Variants in PDE4D observed in about 807,000 individuals in gnomAD.
PDE4D encodes phosphodiesterase 4D, also known as 3',5'-cyclic-AMP phosphodiesterase 4D.
In PDE4D, 24 loss-of-function variants were observed where a neutral mutation model predicts 87.4. The observed-to-expected ratio is 0.27, with a 90% CI of 0.20 to 0.39. The LOEUF is 0.39. PDE4D is among the 10% of genes least tolerant of loss of function. The probability of loss-of-function intolerance (pLI) is 1.00; values close to 1 mark genes in which losing one functional copy is unlikely to be tolerated. For missense variants in PDE4D, 714 were observed against 1,041.0 expected (o/e 0.69, Z 4.32); for synonymous variants, 384 against 383.2 (o/e 1.00, Z -0.02).
chr5:59,409,620 CCT>C (rs1792312728), intron 1 of PDE4D, among the ~76,000 whole-genome samples: 2 of 152,164 alleles, frequency 1.3e-5, no homozygotes, highest in South Asian at 4.1e-4. Flanking sequence ...CACCTACTCC[CCT>C]TTTGTCTTCT....
At chr5:59,501,881 A>G (rs987251790) in intron 1 of PDE4D, among the ~76,000 whole-genome samples, 1 of 152,140 alleles carries the variant, frequency 6.6e-6, no homozygotes, top group Admixed American at 6.5e-5. Context: ...TCTAAATTTA[A>G]TGGGTAAATT....
At chr5:60,109,071 G>A (rs1159421087) in intron 2 of PDE4D, among the ~76,000 whole-genome samples, 1 of 150,682 alleles carries the variant, frequency 6.6e-6, no homozygotes, top group Non-Finnish European at 1.5e-5. Flanking sequence ...GAGTGAACAG[G>A]CAACCTACAA....
intron 1 of PDE4D, among the ~76,000 whole-genome samples, chr5:59,361,623 T>G (rs1352735386): frequency 2.0e-5 from 3 of 152,156 alleles, no homozygotes; most frequent in African/African-American, 7.2e-5. Context: ...CACTGCACTT[T>G]GTACTTCCTC....
At chr5:59,671,777 A>G (rs1039852250) in intron 1 of PDE4D, among the ~76,000 whole-genome samples, 2 of 151,762 alleles carry the variant, frequency 1.3e-5, no homozygotes, top group Non-Finnish European at 2.9e-5. Flanking sequence ...ACTCCACTCC[A>G]GCCTGGGTGA....
At chr5:60,435,888 T>G (rs995874097) in intron 1 of PDE4D, among the ~76,000 whole-genome samples, 3 of 152,094 alleles carry the variant, frequency 2.0e-5, no homozygotes, top group Admixed American at 6.6e-5. Flanking sequence ...TAACATTTAT[T>G]AAACAGAACA....
intron 1 of PDE4D, among the ~76,000 whole-genome samples, chr5:59,777,995 A>C (rs1279337498): frequency 6.6e-6 from 1 of 152,244 alleles, no homozygotes; most frequent in Admixed American, 6.5e-5. Flanking sequence ...AGTAATAATT[A>C]CATAATTGAA....
chr5:60,509,380 C>G (rs145066108), intron 1 of PDE4D, among the ~76,000 whole-genome samples: 11 of 152,334 alleles, frequency 7.2e-5, no homozygotes, highest in Non-Finnish European at 1.2e-4. Context: ...TTAAATTTTT[C>G]ACTGCTTCAC....
At chr5:59,890,834 T>C (rs1384294697) in intron 1 of PDE4D, among the ~76,000 whole-genome samples, 1 of 152,238 alleles carries the variant, frequency 6.6e-6, no homozygotes, top group East Asian at 1.9e-4. Flanking sequence ...AGGATTCAAA[T>C]AAGTTAATAA....
intron 1 of PDE4D, among the ~76,000 whole-genome samples, chr5:59,498,928 T>C (rs1215322954): frequency 6.6e-6 from 1 of 152,116 alleles, no homozygotes; most frequent in Non-Finnish European, 1.5e-5. Flanking sequence ...TTGGACCTAA[T>C]AGACATCTAT....
At chr5:59,639,252 T>G (rs943371712) in intron 1 of PDE4D, among the ~76,000 whole-genome samples, 1 of 152,188 alleles carries the variant, frequency 6.6e-6, no homozygotes, top group Non-Finnish European at 1.5e-5. Flanking sequence ...ATAAACAATA[T>G]TGTGATGAAC....
At chr5:59,382,071 T>C (rs772517853) in intron 1 of PDE4D, among the ~76,000 whole-genome samples, 53 of 152,162 alleles carry the variant, frequency 3.5e-4, no homozygotes, top group Non-Finnish European at 4.7e-4. Context: ...TCTCATTACA[T>C]GCATATTCTT....
chr5:59,788,590 A>G (rs1172355131), intron 1 of PDE4D, among the ~76,000 whole-genome samples: 21 of 152,246 alleles, frequency 1.4e-4, no homozygotes, highest in Non-Finnish European at 2.6e-4. Context: ...TCCCTGGGTA[A>G]CAATGAGACC....
intron 1 of PDE4D, among the ~76,000 whole-genome samples, chr5:60,367,247 G>A (rs1760634131): frequency 6.6e-6 from 1 of 151,938 alleles, no homozygotes; most frequent in Admixed American, 6.6e-5. Context: ...TCAGGAGTTC[G>A]AGACCAGCCT....
At chr5:59,401,799 A>G (rs1247357492) in intron 1 of PDE4D, among the ~76,000 whole-genome samples, 1 of 152,170 alleles carries the variant, frequency 6.6e-6, no homozygotes, top group Non-Finnish European at 1.5e-5. Flanking sequence ...GCTGCTCTGG[A>G]GAGAAAGGTC....
At chr5:60,422,158 G>T (rs1246228881) in intron 1 of PDE4D, among the ~76,000 whole-genome samples, 2 of 152,150 alleles carry the variant, frequency 1.3e-5, no homozygotes, top group Non-Finnish European at 2.9e-5. Context: ...AAACTAGCAA[G>T]GCAGGCCAAC....
chr5:60,418,580 A>AT, intron 1 of PDE4D, among the ~76,000 whole-genome samples: 1 of 151,002 alleles, frequency 6.6e-6, no homozygotes, highest in Admixed American at 6.6e-5. Flanking sequence ...TGTACTTTAA[A>AT]TTTTTTTATT....
chr5:59,911,418 A>G (rs1324897281), intron 3 of PDE4D, among the ~76,000 whole-genome samples: 1 of 152,020 alleles, frequency 6.6e-6, no homozygotes, highest in Non-Finnish European at 1.5e-5. Flanking sequence ...TCAACTCCCT[A>G]TGATTTCATC....
chr5:60,257,072 A>C (rs1410846131), intron 1 of PDE4D, among the ~76,000 whole-genome samples: 1 of 151,842 alleles, frequency 6.6e-6, no homozygotes, highest in Non-Finnish European at 1.5e-5. Flanking sequence ...TGTCAAGGAT[A>C]TCTCAATAAA....
At chr5:59,333,020 G>A (rs1777012427) in intron 1 of PDE4D, among the ~76,000 whole-genome samples, 1 of 152,186 alleles carries the variant, frequency 6.6e-6, no homozygotes. Context: ...ATTTGTTCAA[G>A]CTATTGTGAG....
Sources: gnomAD v4.1 joint callset for allele counts (sites outside exome capture counted in the v4.1 genomes callset) on GRCh38, gnomAD v4.1.1 for gene constraint, MANE v1.5 for transcripts, NCBI Gene and HGNC (gene_info 2026-07-23, HGNC 2026-07-21) for gene names.